DLGAP1: variants seen among roughly 807,000 people sequenced by gnomAD.
DLGAP1 encodes DLG associated protein 1.
A neutral mutation model predicts 90.8 loss-of-function variants in DLGAP1; 11 were observed. The observed-to-expected ratio is 0.12, with a 90% CI of 0.08 to 0.20. The LOEUF (loss-of-function observed/expected upper bound fraction) is 0.20. Among genes scored for constraint, DLGAP1 ranks in the 10% least tolerant of loss-of-function variants. The probability of loss-of-function intolerance (pLI) is 1.00; values close to 1 mark genes in which losing one functional copy is unlikely to be tolerated. For synonymous variants in DLGAP1, 558 were observed against 540.7 expected, an observed-to-expected ratio of 1.03 and a Z score of -0.44; for missense variants, 1,050 against 1,333.8, an observed-to-expected ratio of 0.79 and a Z score of 3.31.
intron 2 of DLGAP1, among the ~76,000 whole-genome samples, chr18:4,104,127 A>G (rs559144583): frequency 6.6e-6 from 1 of 152,118 alleles, no homozygotes; most frequent in African/African-American, 2.4e-5. Flanking sequence ...ACCTGGATGT[A>G]GTTTCAGAAT....
chr18:3,545,809 G>C (rs114809140), intron 9 of DLGAP1, among the ~76,000 whole-genome samples: 17 of 152,164 alleles, frequency 1.1e-4, no homozygotes, highest in Non-Finnish European at 1.6e-4. Context: ...AGCTGGATTG[G>C]TTGTCTTAAT....
chr18:4,377,745 T>G (rs1462953), intron 1 of DLGAP1, among the ~76,000 whole-genome samples: 85,046 of 151,854 alleles, frequency 0.56, 23,924 homozygotes, highest in East Asian at 0.69. Context: ...AAAATGGTGT[T>G]GGAATGGAAA....
intron 7 of DLGAP1, among the ~76,000 whole-genome samples, chr18:3,622,187 CT>C: frequency 6.6e-6 from 1 of 151,982 alleles, no homozygotes; most frequent in Middle Eastern, 3.4e-3. Context: ...TCACTGCCAG[CT>C]CCGCCTCCCA....
intron 10 of DLGAP1, among the ~76,000 whole-genome samples, chr18:3,513,153 C>T (rs1205424298): frequency 1.3e-5 from 2 of 152,210 alleles, no homozygotes; most frequent in Non-Finnish European, 2.9e-5. Flanking sequence ...GCTTATTCCA[C>T]TTAGCATATA....
At chr18:4,367,693 C>T (rs1567865748) in intron 1 of DLGAP1, among the ~76,000 whole-genome samples, 1 of 151,936 alleles carries the variant, frequency 6.6e-6, no homozygotes, top group African/African-American at 2.4e-5. Flanking sequence ...ACTAAAAATA[C>T]AAAACATTAG....
At chr18:3,764,983 T>C (rs1330165448) in intron 5 of DLGAP1, among the ~76,000 whole-genome samples, 1 of 151,914 alleles carries the variant, frequency 6.6e-6, no homozygotes, top group Admixed American at 6.6e-5. Context: ...GTGCCAGAGG[T>C]GTAGCTGAGT....
At chr18:3,758,695 A>G (rs2063819080) in intron 5 of DLGAP1, among the ~76,000 whole-genome samples, 1 of 152,236 alleles carries the variant, frequency 6.6e-6, no homozygotes, top group Non-Finnish European at 1.5e-5. Context: ...CATGTCCTCC[A>G]TAACATCCAG....
chr18:3,893,309 G>T (rs1236037009), intron 3 of DLGAP1, among the ~76,000 whole-genome samples: 1 of 152,060 alleles, frequency 6.6e-6, no homozygotes, highest in Non-Finnish European at 1.5e-5. Flanking sequence ...GGGTGTGGTG[G>T]CTCATGCCTG....
chr18:3,848,626 T>G (rs2069158070), intron 4 of DLGAP1, among the ~76,000 whole-genome samples: 1 of 152,128 alleles, frequency 6.6e-6, no homozygotes, highest in Non-Finnish European at 1.5e-5. Flanking sequence ...GTTCTGTACT[T>G]CAGTGAATGG....
Position 4,124,029 on chromosome 18 carries a change from G to A in DLGAP1, c.-159+27151C>T, listed in dbSNP as rs191532543. On this transcript the variant is annotated intron_variant, in intron 2 of 12. Coordinates refer to ENST00000315677, the MANE Select transcript of DLGAP1 (RefSeq NM_004746.4). ...TATCATCAAGGATGGAAAGTCAATC[G>A]CAAGAGAATTCTGAACAGATATTGC... Among the ~76,000 whole-genome samples, 14 of 152,294 alleles carry A rather than the reference G, an allele frequency of 9.2e-5. No homozygotes were observed. The East Asian group carries it at 1.5e-3, about 17-fold the overall frequency.
At chr18:4,024,867 A>G (rs892527006) in intron 2 of DLGAP1, among the ~76,000 whole-genome samples, 6 of 152,160 alleles carry the variant, frequency 3.9e-5, no homozygotes, top group Non-Finnish European at 5.9e-5. Context: ...TTCGAGAGCC[A>G]GATGGTTGAC....
chr18:4,043,543 A>G (rs1221388881), intron 2 of DLGAP1, among the ~76,000 whole-genome samples: 1 of 148,670 alleles, frequency 6.7e-6, no homozygotes, highest in African/African-American at 2.6e-5. Context: ...TGTAACCTAC[A>G]TCTTATTTAT....
At chr18:3,583,550 T>C (rs1354060389) in intron 7 of DLGAP1, among the ~76,000 whole-genome samples, 2 of 152,218 alleles carry the variant, frequency 1.3e-5, no homozygotes, top group Non-Finnish European at 2.9e-5. Context: ...TCTCCTATTG[T>C]AGAAATTAAT....
rs147122037 is a variant in DLGAP1 at position 3,590,112 on chromosome 18, G to T, written c.1592-7864C>A. ...TTTAATAGAGATGGGGTTTCACCAT[G>T]TTGGTCAGGCTGGTCTCGAACTCCT... On this transcript the variant is annotated intron_variant, in intron 7 of 12. Coordinates refer to ENST00000315677, the MANE Select transcript of DLGAP1 (RefSeq NM_004746.4). Among the ~76,000 whole-genome samples the T allele has an allele frequency of 8.9e-3, 1,348 of 152,262 alleles. 19 individuals carry two copies. Among genetic ancestry groups the T allele is most frequent in the African/African-American group, 0.029 (1,221 of 41,542 alleles).
intron 5 of DLGAP1, among the ~76,000 whole-genome samples, chr18:3,795,000 C>G (rs1211418628): frequency 6.6e-6 from 1 of 152,224 alleles, no homozygotes; most frequent in East Asian, 1.9e-4. Context: ...CTTAGAGATG[C>G]AAACGATCCA....
chr18:4,073,414 T>C (rs1598351824), intron 2 of DLGAP1, among the ~76,000 whole-genome samples: 1 of 152,194 alleles, frequency 6.6e-6, no homozygotes, highest in East Asian at 1.9e-4. Flanking sequence ...GATATTAAAA[T>C]GCTCTATCAA....
rs1223979184 is a variant in DLGAP1, at chr18:4,260,304, G to A, written c.-266-109017C>T. ...AGCTTTTTAATAGGATGAACACAGA[G>A]GCAAAGCAAATATTTGAGGGGTTAC... On this transcript the variant is annotated intron_variant, in intron 1 of 12. Transcript: ENST00000315677. Among the ~76,000 whole-genome samples the A allele has an allele frequency of 2.6e-5, 4 of 152,136 alleles. No individual in the cohort carries two copies. The East Asian group carries it at 7.7e-4, about 29-fold the overall frequency.
chr18:3,503,931 A>G (rs2143664714), intron 11 of DLGAP1, among the ~76,000 whole-genome samples: 1 of 152,272 alleles, frequency 6.6e-6, no homozygotes. Context: ...CCCCATCTCT[A>G]CTGAAAATAC....
chr18:3,863,175 A>G (rs114283839), intron 4 of DLGAP1, among the ~76,000 whole-genome samples: 6 of 152,210 alleles, frequency 3.9e-5, no homozygotes, highest in Non-Finnish European at 2.9e-5. Flanking sequence ...TCAAACTTTA[A>G]TTCATTGAAA....
Sources: gnomAD v4.1 joint callset for allele counts (sites outside exome capture counted in the v4.1 genomes callset) on GRCh38, gnomAD v4.1.1 for gene constraint, MANE v1.5 for transcripts, NCBI Gene and HGNC (gene_info 2026-07-23, HGNC 2026-07-21) for gene names.